Variants in SNRPN observed in about 807,000 individuals in gnomAD.
SNRPN encodes the protein small nuclear ribonucleoprotein polypeptide N.
In SNRPN, 7 loss-of-function variants were observed where a neutral mutation model predicts 25.2. The ratio of observed to expected loss-of-function variants is 0.28; its 90% CI spans 0.16 to 0.52. The LOEUF is 0.52. Among genes scored for constraint, SNRPN ranks in the 20% least tolerant of loss-of-function variants. The probability of loss-of-function intolerance (pLI) is 0.96; values close to 1 mark genes in which losing one functional copy is unlikely to be tolerated. For missense variants in SNRPN, 196 were observed against 322.5 expected (o/e 0.61, Z 3.00); for synonymous variants, 124 against 110.6 (o/e 1.12, Z -0.76).
At chr15:24,973,287 G>A (rs2076667467) in intron 3 of SNRPN, among the ~76,000 whole-genome samples, 5 of 152,212 alleles carry the variant, frequency 3.3e-5, no homozygotes, top group Admixed American at 2.6e-4. Flanking sequence ...TTGCCTAAGA[G>A]TATAGTAGAC....
chr15:24,935,139 G>T (rs991687200), intron 3 of SNRPN, among the ~76,000 whole-genome samples: 8 of 152,016 alleles, frequency 5.3e-5, no homozygotes, highest in African/African-American at 1.7e-4. Context: ...GGGCATGGCA[G>T]CATGCCCGTA....
intron 1 of SNRPN, among the ~76,000 whole-genome samples, chr15:24,957,695 A>C (rs2153409183): frequency 6.6e-6 from 1 of 152,356 alleles, no homozygotes; most frequent in East Asian, 1.9e-4. Context: ...AGTTTTAAAA[A>C]TAGCAGGAGT....
chr15:24,887,813 C>T (rs935330252), intron 2 of SNRPN, among the ~76,000 whole-genome samples: 13 of 151,916 alleles, frequency 8.6e-5, no homozygotes, highest in Admixed American at 7.2e-4. Context: ...GGTCTGTGTC[C>T]GCTGGGGAGG....
intron 2 of SNRPN, among the ~76,000 whole-genome samples, chr15:24,919,200 C>A (rs1314015459): frequency 4.6e-5 from 7 of 151,296 alleles, no homozygotes; most frequent in African/African-American, 4.9e-5. Flanking sequence ...GAGGCCGAGG[C>A]GGGCGGATCA....
chr15:24,879,712 C>A (rs541385577), intron 1 of SNRPN, among the ~76,000 whole-genome samples: 160 of 152,176 alleles, frequency 1.1e-3, no homozygotes, highest in Non-Finnish European at 2.0e-3. Context: ...AGCATGTTTG[C>A]TTTCTTTTTT....
rs187832007 is a variant in SNRPN, at chr15:24,831,633, C to T, written c.-579+1728C>T. ...ACAATCATCTACCCATCCTCATCCC[C>T]TACCACCCTTAGGCCCTAGTACTCA... On this transcript the variant is annotated intron_variant, in intron 2 of 12. Coordinates refer to the SNRPN transcript ENST00000400100. Among the ~76,000 whole-genome samples the T allele has an allele frequency of 4.6e-5, 7 of 152,126 alleles. No homozygotes were observed. In the East Asian group the frequency reaches 1.2e-3, roughly 25 times the overall value.
intron 1 of SNRPN, among the ~76,000 whole-genome samples, chr15:24,878,497 G>C (rs1392976419): frequency 3.9e-5 from 6 of 152,220 alleles, no homozygotes; most frequent in African/African-American, 9.6e-5. Flanking sequence ...CCGAGGGTCT[G>C]TTCCGCTTAT....
intron 2 of SNRPN, among the ~76,000 whole-genome samples, chr15:24,893,482 G>T (rs1375564168): frequency 6.6e-6 from 1 of 151,980 alleles, no homozygotes; most frequent in Non-Finnish European, 1.5e-5. Flanking sequence ...GCTGGGTGTG[G>T]TGGCATGCTC....
intron 2 of SNRPN, among the ~76,000 whole-genome samples, chr15:24,963,702 T>A (rs919124678): frequency 6.6e-6 from 1 of 152,088 alleles, no homozygotes; most frequent in African/African-American, 2.4e-5. Context: ...TAGTAAAAAC[T>A]GAGTAGTAGT....
In SNRPN at chr15:24,929,413, T is replaced by A. The variant is rs563529920; in HGVS notation, c.-391+9289T>A. 2.0e-5 allele frequency among the ~76,000 whole-genome samples: 3 copies of A among 152,222 alleles called. No homozygotes were observed. In the South Asian group the frequency reaches 6.2e-4, roughly 32 times the overall value. On this transcript the variant is annotated intron_variant, in intron 3 of 11. Transcript: ENST00000400097. The surrounding 1 kb of genome is among the most constrained non-coding windows in gnomAD (Gnocchi z 5.3). ...CAAGAGGAGCATCATCATACACACA[T>A]CATAGATTTAATATTAAACTTTTAA...
At chr15:24,973,709 A>G (rs557457631) in intron 3 of SNRPN, among the ~76,000 whole-genome samples, 3 of 152,158 alleles carry the variant, frequency 2.0e-5, no homozygotes, top group African/African-American at 7.2e-5. Context: ...CGTTAACGTG[A>G]TTTATAACTT....
chr15:24,912,151 C>T (rs940410780), intron 2 of SNRPN, among the ~76,000 whole-genome samples: 1 of 152,188 alleles, frequency 6.6e-6, no homozygotes, highest in South Asian at 2.1e-4. Context: ...ATTTCCTCCA[C>T]CAACCTTTTG....
intron 2 of SNRPN, among the ~76,000 whole-genome samples, chr15:24,902,832 GAGC>G (rs2058551770): frequency 6.6e-6 from 1 of 152,212 alleles, no homozygotes; most frequent in African/African-American, 2.4e-5. Context: ...CCCAAAGAGT[GAGC>G]AGCAGCAAGA....
At chr15:24,967,072 A>G (rs2075747216) in intron 2 of SNRPN, 1 of 152,108 alleles carries the variant, frequency 6.6e-6, no homozygotes, top group African/African-American at 2.4e-5. Flanking sequence ...CGGCCTAAAC[A>G]TCTCCCTGCA....
At chr15:24,881,255 G>A (rs2056559324) in intron 1 of SNRPN, among the ~76,000 whole-genome samples, 1 of 152,024 alleles carries the variant, frequency 6.6e-6, no homozygotes, top group South Asian at 2.1e-4. Context: ...GGATGTGGTG[G>A]CTCATGCCTG....
chr15:24,876,426 G>C (rs1207289215), intron 1 of SNRPN, among the ~76,000 whole-genome samples: 2 of 152,076 alleles, frequency 1.3e-5, no homozygotes, highest in African/African-American at 4.8e-5. Context: ...AGACCAGCCT[G>C]GCCAACATGG....
chr15:24,919,060 T>C (rs1279533682), intron 2 of SNRPN, among the ~76,000 whole-genome samples: 22 of 146,862 alleles, frequency 1.5e-4, no homozygotes, highest in African/African-American at 5.0e-4. Flanking sequence ...TGTGCGCATA[T>C]ATATATAACA....
intron 2 of SNRPN, among the ~76,000 whole-genome samples, chr15:24,831,668 T>C (rs2050532901): frequency 6.6e-6 from 1 of 152,044 alleles, no homozygotes; most frequent in Non-Finnish European, 1.5e-5. Context: ...ACCATTCTAC[T>C]TTGTATTTAT....
At chr15:24,935,700 A>G (rs2061179886) in intron 3 of SNRPN, among the ~76,000 whole-genome samples, 1 of 152,208 alleles carries the variant, frequency 6.6e-6, no homozygotes, top group Admixed American at 6.5e-5. Flanking sequence ...TTTAAACAGG[A>G]GAGTTTTCAG....
Sources: gnomAD v4.1 joint callset for allele counts (sites outside exome capture counted in the v4.1 genomes callset) on GRCh38, gnomAD v4.1.1 for gene constraint, Gnocchi (gnomAD v3.1) non-coding constraint, MANE v1.5 for transcripts, NCBI Gene and HGNC (gene_info 2026-07-23, HGNC 2026-07-21) for gene names.